The following BRMS1 variants were observed in gnomAD, a reference collection of about 807,000 sequenced individuals.
The protein encoded by BRMS1 is breast cancer metastasis-suppressor 1.
A neutral mutation model predicts 40.4 loss-of-function variants in BRMS1; 26 were observed. The observed-to-expected ratio is 0.64, with a 90% CI of 0.47 to 0.89. BRMS1 has a LOEUF of 0.89. BRMS1 is among the 40% of genes least tolerant of loss of function. The pLI, the probability that BRMS1 is intolerant of heterozygous loss-of-function variation, is 0.00. For synonymous variants in BRMS1, 103 were observed against 116.0 expected (o/e 0.89, Z 0.72); for missense variants, 289 against 309.4 (o/e 0.93, Z 0.49).
chr11:66,341,977 G>T lies in BRMS1; in HGVS notation c.139+119C>A. On this transcript the variant is annotated intron_variant, in intron 2 of 9. Coordinates refer to ENST00000359957, the MANE Select transcript of BRMS1 (RefSeq NM_015399.4). The surrounding 1 kb of genome is among the most constrained non-coding windows in gnomAD (Gnocchi z 4.9). ...GTGTGCAGGGTCTGTGTATGTGCTT[G>T]TGTGTAGGCGCTGTATGTGCATGTG... 1 of 1,159,674 alleles carries T rather than the reference G, an allele frequency of 8.6e-7. No individual in the cohort carries two copies. Among genetic ancestry groups the T allele is most frequent in the Non-Finnish European group, 1.2e-6 (1 of 820,910 alleles). The allele number at this position is 1,159,674 out of a possible 1,614,324, so 71.8% of individuals were successfully genotyped here.
Position 66,343,563 on chromosome 11 carries a change from CCAGA to C in BRMS1, c.-7-1326_-7-1323del, listed in dbSNP as rs1298461817. On this transcript the variant is annotated intron_variant, in intron 1 of 9. Transcript: ENST00000359957. ...GGAGCCCGATGCAGCAGGGAGGCTT[CCAGA>C]CAAAGATGGACCAGCTGGGTGAGCT... 4.6e-5 allele frequency among the ~76,000 whole-genome samples: 7 copies of C among 152,210 alleles called. No individual in the cohort carries two copies. In the South Asian group the frequency reaches 8.3e-4, roughly 18 times the overall value.
Position 66,343,735 on chromosome 11 carries a change from C to T in BRMS1, c.-8+1237G>A, listed in dbSNP as rs180739249. 7.9e-5 allele frequency among the ~76,000 whole-genome samples: 12 copies of T among 152,302 alleles called. No homozygotes were observed. In the East Asian group the frequency reaches 2.1e-3, roughly 27 times the overall value. On this transcript the variant is annotated intron_variant, in intron 1 of 9. Transcript: ENST00000359957. The stretch of plus-strand genomic sequence containing the variant: ...TTTGGTCGTCAGCATACAGCAAGTT[C>T]TTCATGCCACAGGAGAAGGTGCAAC...
chr11:66,338,485 C>T (rs889330405), intron 8 of BRMS1: 6 of 1,525,010 alleles, frequency 3.9e-6, no homozygotes, highest in Non-Finnish European at 5.3e-6. Context: ...CGCCACCCTC[C>T]CACCCCATCA....
intron 8 of BRMS1, 93 bp from the exon 9 acceptor site, chr11:66,338,375 G>A (rs1854983273): frequency 1.9e-6 from 3 of 1,544,492 alleles, no homozygotes; most frequent in Non-Finnish European, 2.6e-6. Context: ...GTGGGCTGTT[G>A]CCTCAGTGCT....
At chr11:66,340,079 T>A (rs778681123) in intron 7 of BRMS1, 42 bp downstream of exon 7, 1 of 1,576,320 alleles carries the variant, frequency 6.3e-7, no homozygotes, top group South Asian at 1.1e-5. Context: ...AGTTGACCCT[T>A]ACATCCTGCC....
rs1044398754 is a variant in BRMS1 at position 66,341,707 on chromosome 11, G to A, written c.140-84C>T. On this transcript the variant is annotated intron_variant, in intron 2 of 9. Transcript: ENST00000359957. This position sits in a 1 kb window ranked among gnomAD's most constrained non-coding sequence, Gnocchi z 4.9. Reference sequence around the variant, plus strand: ...GTGCATGTGCGTCCTGCATGTGTGTGTGTGCATGCATGCCTGTGTGTAGGG... The same window carrying A: ...GTGCATGTGCGTCCTGCATGTGTGTATGTGCATGCATGCCTGTGTGTAGGG... The A allele has an allele frequency of 3.2e-5, 36 of 1,123,050 alleles. No individual in the cohort carries two copies. Among genetic ancestry groups the A allele is most frequent in the Middle Eastern group, 1.9e-4 (1 of 5,158 alleles). The allele number at this position is 1,123,050 out of a possible 1,614,324, so 69.6% of individuals were successfully genotyped here.
At position 66,338,287 on chromosome 11, in the gene BRMS1, G is replaced by T. The variant is rs1289654043; in HGVS notation, c.694-5C>A. The stretch of plus-strand genomic sequence containing the variant: ...AGGGGACACAGCTGCCCTAGCCTGG[G>T]TGGGTGAGAAGAAAAGCTCCCCTGA... On this transcript the variant is annotated splice_polypyrimidine_tract_variant and splice_region_variant and intron_variant, in intron 8 of 9. Transcript: ENST00000359957. The T allele has an allele frequency of 6.2e-7, 1 of 1,608,530 alleles. No homozygotes were observed. Among genetic ancestry groups the T allele is most frequent in the Non-Finnish European group, 8.5e-7 (1 of 1,177,206 alleles).
Position 66,342,258 on chromosome 11 carries a change from AG to A in BRMS1, c.-7-18del. ...ATCTGGACTCTGGGAGAAGGAATGG[AG>A]CTATCACTTATGGCTGCCCACAGCT... On this transcript the variant is annotated intron_variant, in intron 1 of 9. Transcript: ENST00000359957. 6.2e-7 allele frequency: 1 copy of A among 1,610,478 alleles called. No individual in the cohort carries two copies. The highest frequency in any genetic ancestry group is 1.1e-5 in the South Asian group (1 of 91,056).
chr11:66,338,836 G>A, intron 7 of BRMS1, 51 bp from the exon 8 acceptor site: 1 of 1,494,630 alleles, frequency 6.7e-7, no homozygotes, highest in South Asian at 1.3e-5. Context: ...GACGAGGGCA[G>A]GGCCACCCAC....
rs1283289155 is a variant in BRMS1, at chr11:66,340,198, T to C, written c.551A>G (p.Lys184Arg). The change falls in exon 7 of 10, where the codon AAA (lysine) becomes AGA (arginine). Residue 184 changes from lysine (K) to arginine (R), a missense_variant. Physicochemically the swap from Lys to Arg is conservative, Grantham distance 26. Transcript: ENST00000359957. ...CCTGGAGCTGCCTCTGGCGTGCAGT[T>C]TGTCATCCCACCATTCTGCCCCGAG... ...LDLSSEWWDD[K>R]LHARGSSRSW... 2 of 1,613,560 alleles carry C rather than the reference T, an allele frequency of 1.2e-6. No individual in the cohort carries two copies. The highest frequency in any genetic ancestry group is 1.1e-5 in the South Asian group (1 of 91,046).
chr11:66,338,725 T>G lies in BRMS1; in HGVS notation c.689A>C (p.Lys230Thr). 6.2e-7 allele frequency: 1 copy of G among 1,608,318 alleles called. No individual in the cohort carries two copies. Among genetic ancestry groups the G allele is most frequent in the Non-Finnish European group, 8.5e-7 (1 of 1,176,392 alleles). Residue 230 changes from lysine (K) to threonine (T), a missense_variant, in exon 8 of 10, where the codon AAA becomes ACA. By Grantham distance (78) the Lys-to-Thr change is moderately conservative (BLOSUM62 -1). Transcript: ENST00000359957. The stretch of plus-strand genomic sequence containing the variant: ...GTGGGCAGCAGCGGCCCCCACCTTT[T>G]TGATGGCTGTCCAGTCCTCCAGGAT... Reference protein sequence around the residue: ...IDILEDWTAIKKARAAVSPQK... With the variant: ...IDILEDWTAITKARAAVSPQK...
rs770779856 is a variant in BRMS1, at chr11:66,341,158, G to A, written c.358+48C>T. The A allele has an allele frequency of 6.2e-7, 1 of 1,611,566 alleles. No homozygotes were observed. The highest frequency in any genetic ancestry group is 1.1e-5 in the South Asian group (1 of 91,052). On this transcript the variant is annotated intron_variant, in intron 4 of 9. Transcript: ENST00000359957. The surrounding 1 kb of genome is among the most constrained non-coding windows in gnomAD (Gnocchi z 4.9). ...AGGAACGAGAGAGGAAGGGGACAGG[G>A]TGCCACGGGTTCTGGGAGGGGAAGA... is the stretch of plus-strand genomic sequence containing the variant.
chr11:66,338,005 C>A (rs1854968091), intron 9 of BRMS1, 116 bp from the exon 10 acceptor site: 11 of 1,275,972 alleles, frequency 8.6e-6, no homozygotes, highest in Non-Finnish European at 1.2e-5. Flanking sequence ...GGCAGCTCCA[C>A]AGCCCTCCCT....
chr11:66,341,165 G>C lies in BRMS1; in HGVS notation c.358+41C>G. ...AGAGAGGAAGGGGACAGGGTGCCAC[G>C]GGTTCTGGGAGGGGAAGAGGGTACA... On this transcript the variant is annotated intron_variant, in intron 4 of 9. Transcript: ENST00000359957. This position sits in a 1 kb window ranked among gnomAD's most constrained non-coding sequence, Gnocchi z 4.9. The C allele has an allele frequency of 6.2e-7, 1 of 1,611,194 alleles. No homozygotes were observed.
In BRMS1 at chr11:66,341,051, A is replaced by C. The variant is rs1179809936; in HGVS notation, c.359-5T>G. On this transcript the variant is annotated splice_region_variant and splice_polypyrimidine_tract_variant and intron_variant, in intron 4 of 9. Coordinates refer to ENST00000359957, the MANE Select transcript of BRMS1 (RefSeq NM_015399.4). This position sits in a 1 kb window ranked among gnomAD's most constrained non-coding sequence, Gnocchi z 4.9. ...GACAGAAGCCCTTGTAGATCCCTGC[A>C]GAGAAAGGGAGGAGGGTCCCTGCTT... is the stretch of plus-strand genomic sequence containing the variant. 1 of 1,613,830 alleles carries C rather than the reference A, an allele frequency of 6.2e-7. No homozygotes were observed. The highest frequency in any genetic ancestry group is 1.1e-5 in the South Asian group (1 of 91,082).
In BRMS1 at chr11:66,344,232, A is replaced by T. The variant is rs75852027; in HGVS notation, c.-8+740T>A. Among the ~76,000 whole-genome samples the T allele has an allele frequency of 1.1e-4, 17 of 152,310 alleles. No homozygotes were observed. The East Asian group carries it at 1.7e-3, about 16-fold the overall frequency. The stretch of plus-strand genomic sequence containing the variant: ...TTGCAAATACAAATTTAACAAAAAA[A>T]TTTTTTGTGAGACAGACATTAGTTT... On this transcript the variant is annotated intron_variant, in intron 1 of 9. Transcript: ENST00000359957.
rs201498177 is a variant in BRMS1 at position 66,340,845 on chromosome 11, G to A, written c.464C>T (p.Thr155Met). The part of the protein sequence containing the change: ...LESEKLLLYD[T>M]LQGELQERIQ... ...CCGCTCCTGCAGCTCCCCCTGCAGCGTGTCATAGAGCAGCAGCTTCTCACT... is the reference window on the plus strand; with the variant it reads ...CCGCTCCTGCAGCTCCCCCTGCAGCATGTCATAGAGCAGCAGCTTCTCACT... Residue 155 changes from threonine (T) to methionine (M), a missense_variant, in exon 6 of 10, where the codon ACG (threonine) becomes ATG (methionine). Thr to Met is a moderately conservative substitution (Grantham distance 81). Coordinates refer to ENST00000359957, the MANE Select transcript of BRMS1 (RefSeq NM_015399.4). 9.5e-5 allele frequency: 153 copies of A among 1,614,046 alleles called. No individual in the cohort carries two copies. The highest frequency in any genetic ancestry group is 1.3e-4 in the Non-Finnish European group (149 of 1,180,012).
At chr11:66,344,134 C>T (rs1855150303) in intron 1 of BRMS1, among the ~76,000 whole-genome samples, 1 of 152,220 alleles carries the variant, frequency 6.6e-6, no homozygotes, top group Admixed American at 6.5e-5. Context: ...GTCTATGAGC[C>T]TCACTAGGGC....
chr11:66,341,692 G>A lies in BRMS1; in HGVS notation c.140-69C>T, dbSNP rs1014742032. 2.6e-4 allele frequency: 339 copies of A among 1,304,360 alleles called. No homozygotes were observed. The highest frequency in any genetic ancestry group is 5.5e-4 in the Middle Eastern group (3 of 5,470). The allele number at this position is 1,304,360 out of a possible 1,614,324, so 80.8% of individuals were successfully genotyped here. ...TGGGTACCCGCATGTGTGCATGTGC[G>A]TCCTGCATGTGTGTGTGTGCATGCA... On this transcript the variant is annotated intron_variant, in intron 2 of 9. Coordinates refer to ENST00000359957, the MANE Select transcript of BRMS1 (RefSeq NM_015399.4). The surrounding 1 kb of genome is among the most constrained non-coding windows in gnomAD (Gnocchi z 4.9).
Sources: gnomAD v4.1 joint callset for allele counts (sites outside exome capture counted in the v4.1 genomes callset) on GRCh38, gnomAD v4.1.1 for gene constraint, Gnocchi (gnomAD v3.1) non-coding constraint, MANE v1.5 for transcripts, NCBI Gene and HGNC (gene_info 2026-07-23, HGNC 2026-07-21) for gene names.